CACHD1: variants seen among roughly 807,000 people sequenced by gnomAD.
CACHD1 encodes the protein VWFA and cache domain-containing protein 1.
A neutral mutation model predicts 138.7 loss-of-function variants in CACHD1; 71 were observed. The ratio of observed to expected loss-of-function variants is 0.51; its 90% CI spans 0.42 to 0.62. The LOEUF is 0.62. Ranked by LOEUF, CACHD1 falls within the 20% of genes least tolerant of loss-of-function variation. The probability of loss-of-function intolerance (pLI) is 0.00; values close to 1 mark genes in which losing one functional copy is unlikely to be tolerated. For synonymous variants in CACHD1, 578 were observed against 591.5 expected (o/e 0.98, Z 0.33); for missense variants, 1,389 against 1,625.3 (o/e 0.85, Z 2.50).
At chr1:64,689,583 T>C (rs1650478597) in intron 26 of CACHD1, among the ~76,000 whole-genome samples, 1 of 152,154 alleles carries the variant, frequency 6.6e-6, no homozygotes. Flanking sequence ...GATCATGCCA[T>C]TTTTTGGCCT....
chr1:64,660,121 A>G (rs1006678547), intron 13 of CACHD1, among the ~76,000 whole-genome samples: 2 of 152,190 alleles, frequency 1.3e-5, no homozygotes, highest in East Asian at 1.9e-4. Context: ...ATGTTTAAAA[A>G]TTTCATATTT....
At chr1:64,515,015 T>A (rs1646448637) in intron 1 of CACHD1, among the ~76,000 whole-genome samples, 1 of 152,184 alleles carries the variant, frequency 6.6e-6, no homozygotes, top group Non-Finnish European at 1.5e-5. Flanking sequence ...CTAAATCTCT[T>A]CATTGGTATG....
intron 2 of CACHD1, among the ~76,000 whole-genome samples, chr1:64,564,155 G>A (rs539141280): frequency 7.9e-5 from 12 of 152,216 alleles, no homozygotes; most frequent in Admixed American, 5.2e-4. Flanking sequence ...CGGATCCTCC[G>A]AAAGGAACTC....
At chr1:64,655,182 G>C (rs1649223332) in intron 12 of CACHD1, among the ~76,000 whole-genome samples, 1 of 152,136 alleles carries the variant, frequency 6.6e-6, no homozygotes, top group African/African-American at 2.4e-5. Flanking sequence ...TGGGAGGATT[G>C]CTTAAGCCTG....
chr1:64,617,141 A>AAAC, intron 4 of CACHD1, among the ~76,000 whole-genome samples: 2 of 122,480 alleles, frequency 1.6e-5, no homozygotes, highest in Admixed American at 1.9e-4. Context: ...TTTGTGAAAA[A>AAAC]AAAACAAAAC....
intron 4 of CACHD1, among the ~76,000 whole-genome samples, chr1:64,620,333 C>T (rs1647865250): frequency 6.6e-6 from 1 of 152,138 alleles, no homozygotes; most frequent in Non-Finnish European, 1.5e-5. Context: ...ACCACAGAGA[C>T]TATCCTTACA....
At chr1:64,567,938 A>T (rs960376179) in intron 2 of CACHD1, among the ~76,000 whole-genome samples, 7 of 151,896 alleles carry the variant, frequency 4.6e-5, no homozygotes, top group African/African-American at 1.7e-4. Context: ...ACGAGCTTTT[A>T]GCTCTCATAA....
chr1:64,482,072 G>A (rs1290176028), intron 1 of CACHD1, among the ~76,000 whole-genome samples: 1 of 152,074 alleles, frequency 6.6e-6, no homozygotes. Flanking sequence ...ATTTATAAAT[G>A]GTTTCAGGAT....
Position 64,598,919 on chromosome 1 carries a change from TTAA to T in CACHD1, c.411-3884_411-3882del, listed in dbSNP as rs1252446685. Among the ~76,000 whole-genome samples the T allele has an allele frequency of 5.6e-5, 8 of 143,400 alleles. No individual in the cohort carries two copies. In the South Asian group the frequency reaches 6.4e-4, roughly 12 times the overall value. 94.1% of individuals were successfully genotyped at this position (143,400 alleles called of 152,430 possible). A position where few individuals can be genotyped will look rare whatever the true frequency, so the allele number is the denominator to read the frequency against. ...AATATGATTAGATATATTAATATCA[TTAA>T]TATTATTATATATTAATATTAATAT... On this transcript the variant is annotated intron_variant, in intron 3 of 26. Coordinates refer to ENST00000651257, the MANE Select transcript of CACHD1 (RefSeq NM_020925.4).
In CACHD1 at chr1:64,691,401, T is replaced by G; in HGVS notation, c.3665T>G (p.Val1222Gly). Residue 1222 changes from valine (V) to glycine (G), a missense_variant, in exon 27 of 27, where the codon GTG becomes GGG. Transcript: ENST00000651257. Reference sequence around the variant, plus strand: ...GACCCCTTGTCAGCCGGGGTCGATGTGGGAAACCATGATGAGGACTTAGAC... The same window carrying G: ...GACCCCTTGTCAGCCGGGGTCGATGGGGGAAACCATGATGAGGACTTAGAC... Reference protein sequence around the residue: ...NNDPLSAGVDVGNHDEDLDLD... With the variant: ...NNDPLSAGVDGGNHDEDLDLD... The G allele has an allele frequency of 6.2e-7, 1 of 1,614,142 alleles. No individual in the cohort carries two copies. The highest frequency in any genetic ancestry group is 8.5e-7 in the Non-Finnish European group (1 of 1,180,010).
chr1:64,638,083 C>G (rs1298054129), intron 7 of CACHD1, among the ~76,000 whole-genome samples: 1 of 152,156 alleles, frequency 6.6e-6, no homozygotes. Flanking sequence ...TATAAGACTT[C>G]TAGCTCCAGC....
intron 2 of CACHD1, among the ~76,000 whole-genome samples, chr1:64,561,520 G>A (rs144590536): frequency 2.6e-5 from 4 of 152,234 alleles, no homozygotes; most frequent in Non-Finnish European, 4.4e-5. Context: ...ATACCCTAGT[G>A]ACAAATCCTC....
chr1:64,578,655 T>C (rs913164864), intron 2 of CACHD1, among the ~76,000 whole-genome samples: 6 of 152,178 alleles, frequency 3.9e-5, no homozygotes, highest in African/African-American at 1.4e-4. Context: ...TGGAAGTTTC[T>C]TGGTTCATGC....
chr1:64,508,537 A>G (rs1242939605), intron 1 of CACHD1, among the ~76,000 whole-genome samples: 1 of 152,196 alleles, frequency 6.6e-6, no homozygotes, highest in East Asian at 1.9e-4. Context: ...AAATGGGGAT[A>G]ATCATGCCTA....
At position 64,691,521 on chromosome 1, in the gene CACHD1, A is replaced by G. The variant is rs369283188; in HGVS notation, c.3785A>G (p.Gln1262Arg). Residue 1262 changes from glutamine (Q) to arginine (R), a missense_variant, in exon 27 of 27, where the codon CAG (glutamine) becomes CGG (arginine). By Grantham distance (43) the Gln-to-Arg change is conservative (BLOSUM62 1). This residue lies in a region of CACHD1 where 78 missense variants were observed against 76.9 expected (regional missense o/e 1.01). Transcript: ENST00000651257. The stretch of plus-strand genomic sequence containing the variant: ...ACACTTCATCATAGCCACCACTTAC[A>G]GGCGGCCGTCACGGTACACACTGTC... The part of the protein sequence containing the change: ...HPTLHHSHHL[Q>R]AAVTVHTVDA... 1.6e-5 allele frequency: 26 copies of G among 1,613,968 alleles called. No homozygotes were observed. The highest frequency in any genetic ancestry group is 2.0e-5 in the Non-Finnish European group (24 of 1,180,010).
At chr1:64,501,644 C>CA (rs1442445590) in intron 1 of CACHD1, among the ~76,000 whole-genome samples, 4 of 152,150 alleles carry the variant, frequency 2.6e-5, no homozygotes, top group Non-Finnish European at 5.9e-5. Context: ...TGTTTTTGTG[C>CA]ACAAAAATAC....
rs1420835174 is a variant in CACHD1 at position 64,681,345 on chromosome 1, C to T, written c.3484+10C>T. The T allele has an allele frequency of 1.2e-6, 2 of 1,606,824 alleles. No homozygotes were observed. Among genetic ancestry groups the T allele is most frequent in the African/African-American group, 2.7e-5 (2 of 74,848 alleles). The stretch of plus-strand genomic sequence containing the variant: ...GAAGACAGAGGCATCAGTGAGTATT[C>T]AGCTGCCTTGCTGCAGAATGTGTCA... On this transcript the variant is annotated intron_variant, in intron 25 of 26. Coordinates refer to ENST00000651257, the MANE Select transcript of CACHD1 (RefSeq NM_020925.4).
intron 16 of CACHD1, among the ~76,000 whole-genome samples, chr1:64,668,158 C>G (rs1192626943): frequency 6.6e-6 from 1 of 152,086 alleles, no homozygotes; most frequent in African/African-American, 2.4e-5. Flanking sequence ...GAAACCCCGT[C>G]TGTACTAAAA....
chr1:64,569,264 A>G (rs990793229), intron 2 of CACHD1, among the ~76,000 whole-genome samples: 1 of 152,162 alleles, frequency 6.6e-6, no homozygotes, highest in African/African-American at 2.4e-5. Flanking sequence ...AAATACAAAT[A>G]AAAAAATAAA....
Sources: allele counts gnomAD v4.1 joint callset (sites outside exome capture counted in the v4.1 genomes callset), GRCh38; gene constraint gnomAD v4.1.1; regional missense constraint gnomAD v4.1.1; transcripts MANE v1.5; gene names NCBI Gene and HGNC (gene_info 2026-07-23, HGNC 2026-07-21).